Variants in PTPRK observed in about 807,000 individuals in gnomAD.
The protein encoded by PTPRK is protein tyrosine phosphatase receptor type K.
Under a neutral mutation model 178.0 loss-of-function variants are expected in PTPRK, and 75 were observed. That is an observed-to-expected ratio of 0.42 (90% confidence interval 0.35 to 0.51). The LOEUF (loss-of-function observed/expected upper bound fraction) is 0.51. Ranked by LOEUF, PTPRK falls within the 20% of genes least tolerant of loss-of-function variation. The pLI, the probability that PTPRK is intolerant of heterozygous loss-of-function variation, is 0.02. For missense variants in PTPRK, 1,441 were observed against 1,797.8 expected (o/e 0.80, Z 3.59); for synonymous variants, 637 against 620.6 (o/e 1.03, Z -0.39).
rs139716715 is a variant in PTPRK at position 128,139,825 on chromosome 6, A to G, written c.1162+44607T>C. ...CCAATCTAAATGCTGTCAGATACTA[A>G]TAACTTGGTTTCAATTCTATACTTA... On this transcript the variant is annotated intron_variant, in intron 7 of 29. Transcript: ENST00000368226. Among the ~76,000 whole-genome samples the G allele has an allele frequency of 3.3e-4, 50 of 152,156 alleles. No homozygotes were observed. The East Asian group carries it at 7.2e-3, about 22-fold the overall frequency.
intron 7 of PTPRK, among the ~76,000 whole-genome samples, chr6:128,132,874 C>T (rs1276177116): frequency 6.6e-6 from 1 of 152,122 alleles, no homozygotes; most frequent in East Asian, 1.9e-4. Flanking sequence ...TGATTTTTTT[C>T]CATCAGCCCC....
intron 1 of PTPRK, among the ~76,000 whole-genome samples, chr6:128,444,925 T>C (rs1406295343): frequency 2.0e-5 from 3 of 152,092 alleles, no homozygotes; most frequent in Non-Finnish European, 1.5e-5. Context: ...AAATAGTTCA[T>C]TGGACTGCTA....
intron 7 of PTPRK, among the ~76,000 whole-genome samples, chr6:128,127,308 G>A (rs1032232640): frequency 6.6e-6 from 1 of 152,028 alleles, no homozygotes; most frequent in African/African-American, 2.4e-5. Flanking sequence ...TTTAGAATTG[G>A]TTTATTGATT....
intron 16 of PTPRK, 51 bp downstream of exon 16, chr6:127,998,669 T>C (rs1405067512): frequency 1.4e-6 from 2 of 1,432,548 alleles, no homozygotes; most frequent in East Asian, 2.4e-5. Flanking sequence ...TAAATTCCAC[T>C]GAGTATCATA....
At chr6:128,049,671 C>T (rs963062634) in intron 13 of PTPRK, among the ~76,000 whole-genome samples, 14 of 152,062 alleles carry the variant, frequency 9.2e-5, no homozygotes, top group African/African-American at 3.1e-4. Context: ...TGATTCAGCA[C>T]ATTTAAATCT....
chr6:128,468,921 C>CAAAAAAAA (rs375371831), intron 1 of PTPRK, among the ~76,000 whole-genome samples: 1 of 90,598 alleles, frequency 1.1e-5, no homozygotes, highest in African/African-American at 3.8e-5. Context: ...AACACCTTTT[C>CAAAAAAAA]AAAAAAAAAA....
chr6:128,031,326 T>C lies in PTPRK; in HGVS notation c.2195-22058A>G, dbSNP rs143840671. On this transcript the variant is annotated intron_variant, in intron 13 of 29. Coordinates refer to ENST00000368226, the MANE Select transcript of PTPRK (RefSeq NM_002844.4). ...GACACCAAGCTTGGTACATTTTCTT[T>C]CAAACTGCAGCTAAAGATATACTTC... 5.7e-4 allele frequency among the ~76,000 whole-genome samples: 87 copies of C among 152,342 alleles called. 1 individual carries two copies. In the East Asian group the frequency reaches 0.016, roughly 28 times the overall value.
chr6:128,370,573 A>C (rs1024996258), intron 2 of PTPRK, among the ~76,000 whole-genome samples: 1 of 152,098 alleles, frequency 6.6e-6, no homozygotes, highest in African/African-American at 2.4e-5. Flanking sequence ...AATCTACTTA[A>C]ATGAGCATTA....
Position 128,255,881 on chromosome 6 carries a change from T to C in PTPRK, c.496-13279A>G, listed in dbSNP as rs144373611. ...AAGTTACATGACAGTTTCAATCCTA[T>C]AGGTTTTCTTCCTTCAGAACTTTTT... On this transcript the variant is annotated intron_variant, in intron 3 of 29. Coordinates refer to ENST00000368226, the MANE Select transcript of PTPRK (RefSeq NM_002844.4). Among the ~76,000 whole-genome samples the C allele has an allele frequency of 5.1e-4, 78 of 152,342 alleles. 1 individual carries two copies. The highest frequency in any genetic ancestry group is 1.7e-3 in the African/African-American group (72 of 41,580).
intron 2 of PTPRK, among the ~76,000 whole-genome samples, chr6:128,370,476 A>G (rs1836120289): frequency 6.6e-6 from 1 of 151,972 alleles, no homozygotes; most frequent in African/African-American, 2.4e-5. Flanking sequence ...GGTCTCAAAT[A>G]TTTTTTCATA....
intron 2 of PTPRK, among the ~76,000 whole-genome samples, chr6:128,345,033 ATTT>A (rs66515832): frequency 0.8 from 115,731 of 144,876 alleles, 46,374 homozygotes; most frequent in East Asian, 0.99. Flanking sequence ...AAGCCAGGTG[ATTT>A]TTTTTTTTTT....
At position 128,376,189 on chromosome 6, in the gene PTPRK, A is replaced by T. The variant is rs1200386267; in HGVS notation, c.223+21377T>A. ...CATCAACCCCACATTTCCCTTCCAC[A>T]CTTCCCTAGCAGAAGTTCTCCATGA... On this transcript the variant is annotated intron_variant, in intron 2 of 29. Transcript: ENST00000368226. 2.0e-5 allele frequency among the ~76,000 whole-genome samples: 3 copies of T among 152,094 alleles called. No homozygotes were observed. The East Asian group carries it at 5.8e-4, about 29-fold the overall frequency.
In PTPRK at chr6:128,454,935, T is replaced by C. The variant is rs1294507737; in HGVS notation, c.101-57247A>G. On this transcript the variant is annotated intron_variant, in intron 1 of 29. Coordinates refer to ENST00000368226, the MANE Select transcript of PTPRK (RefSeq NM_002844.4). ...TCCTTTTACTCCAAATTGACTAATC[T>C]GAAAAATAAGGATTCCTCTGGGGAT... Among the ~76,000 whole-genome samples the C allele has an allele frequency of 3.3e-5, 5 of 152,222 alleles. 1 individual carries two copies. The East Asian group carries it at 9.6e-4, about 29-fold the overall frequency.
At chr6:128,296,277 A>G (rs1213953778) in intron 3 of PTPRK, among the ~76,000 whole-genome samples, 1 of 152,064 alleles carries the variant, frequency 6.6e-6, no homozygotes, top group East Asian at 1.9e-4. Context: ...TCTTCTTCAC[A>G]TCTTTGCTCA....
Position 127,979,491 on chromosome 6 carries a change from T to C in PTPRK, c.3711+1625A>G, listed in dbSNP as rs1015052834. Among the ~76,000 whole-genome samples, 3 of 152,214 alleles carry C rather than the reference T, an allele frequency of 2.0e-5. No individual in the cohort carries two copies. In the East Asian group the frequency reaches 5.8e-4, roughly 29 times the overall value. Reference sequence around the variant, plus strand: ...TCTCTCTATTTAGTATATTTGCCTTTCCAGACACCTAATATAAAAAGAAAA... The same window carrying C: ...TCTCTCTATTTAGTATATTTGCCTTCCCAGACACCTAATATAAAAAGAAAA... On this transcript the variant is annotated intron_variant, in intron 25 of 29. Coordinates refer to ENST00000368226, the MANE Select transcript of PTPRK (RefSeq NM_002844.4).
chr6:128,062,671 A>T (rs1401461364), intron 13 of PTPRK: 3 of 164,938 alleles, frequency 1.8e-5, no homozygotes, highest in African/African-American at 7.3e-5. Flanking sequence ...CTATTTAAGC[A>T]CTTCATATAT....
At chr6:128,372,651 T>C (rs539788377) in intron 2 of PTPRK, among the ~76,000 whole-genome samples, 5 of 152,300 alleles carry the variant, frequency 3.3e-5, no homozygotes, top group Non-Finnish European at 7.4e-5. Context: ...TGAGGACAGA[T>C]AATGATAATA....
At chr6:128,189,087 C>A (rs1046030685) in intron 6 of PTPRK, among the ~76,000 whole-genome samples, 1 of 151,990 alleles carries the variant, frequency 6.6e-6, no homozygotes, top group Non-Finnish European at 1.5e-5. Context: ...CTTCCTCCTG[C>A]CAGATATTTC....
chr6:128,520,082 C>A (rs572939116), intron 1 of PTPRK, among the ~76,000 whole-genome samples, 177 bp downstream of exon 1: 23 of 152,296 alleles, frequency 1.5e-4, no homozygotes, highest in African/African-American at 5.3e-4. Context: ...ACAATGGGTG[C>A]CCCGCGTCCC....
Sources: allele counts gnomAD v4.1 joint callset (sites outside exome capture counted in the v4.1 genomes callset), GRCh38; gene constraint gnomAD v4.1.1; transcripts MANE v1.5; gene names NCBI Gene and HGNC (gene_info 2026-07-23, HGNC 2026-07-21).